OCA2: variants seen among roughly 807,000 people sequenced by gnomAD.
OCA2 encodes the protein OCA2 melanosomal transmembrane protein.
A neutral mutation model predicts 100.2 loss-of-function variants in OCA2; 77 were observed. The ratio of observed to expected loss-of-function variants is 0.77; its 90% CI spans 0.64 to 0.93. The LOEUF (loss-of-function observed/expected upper bound fraction) is 0.93. OCA2 is among the 40% of genes least tolerant of loss of function. The pLI is 0.00. For synonymous variants in OCA2, 432 were observed against 439.2 expected (o/e 0.98, Z 0.21); for missense variants, 1,062 against 1,089.1 (o/e 0.98, Z 0.35).
intron 2 of OCA2, among the ~76,000 whole-genome samples, chr15:28,038,082 TCTC>T (rs758148881): frequency 4.6e-5 from 7 of 151,502 alleles, no homozygotes; most frequent in Non-Finnish European, 1.0e-4. Flanking sequence ...TCTTCTCTCT[TCTC>T]CTCTCTTTCT....
At chr15:27,769,868 G>C (rs1185909665) in intron 23 of OCA2, among the ~76,000 whole-genome samples, 1 of 74,554 alleles carries the variant, frequency 1.3e-5, no homozygotes, top group Non-Finnish European at 2.9e-5. Flanking sequence ...CAGCACCTCG[G>C]CCTGTGTGCA....
intron 22 of OCA2, among the ~76,000 whole-genome samples, chr15:27,850,785 C>T (rs1169546782): frequency 6.6e-6 from 1 of 152,030 alleles, no homozygotes; most frequent in Non-Finnish European, 1.5e-5. Flanking sequence ...TCACAATCCC[C>T]CTGTGTTCCC....
intron 19 of OCA2, among the ~76,000 whole-genome samples, chr15:27,888,543 TAAC>T (rs1237770836): frequency 3.3e-5 from 5 of 152,082 alleles, no homozygotes; most frequent in African/African-American, 1.2e-4. Flanking sequence ...AACAATCAGT[TAAC>T]AACTTCTCTT....
At chr15:27,729,191 G>A in the OCA2 span, among the ~76,000 whole-genome samples, 1 of 151,606 alleles carries the variant, frequency 6.6e-6, no homozygotes, top group Admixed American at 6.6e-5. Context: ...CCAACAATCT[G>A]TTCACGGCAA....
chr15:27,814,940 A>ATAGG (rs2034234068), intron 23 of OCA2, among the ~76,000 whole-genome samples: 1 of 89,892 alleles, frequency 1.1e-5, no homozygotes, highest in African/African-American at 4.1e-5. Flanking sequence ...AGATAGATAG[A>ATAGG]TAGATACAGA....
chr15:27,763,112 T>C (rs946187969), intron 23 of OCA2, among the ~76,000 whole-genome samples: 2 of 152,198 alleles, frequency 1.3e-5, no homozygotes, highest in Non-Finnish European at 2.9e-5. Context: ...TCACACTTTA[T>C]ACAAACATTA....
At chr15:28,064,864 TTTA>T (rs1555387756) in intron 2 of OCA2, among the ~76,000 whole-genome samples, 1 of 150,308 alleles carries the variant, frequency 6.7e-6, no homozygotes, top group Non-Finnish European at 1.5e-5. Flanking sequence ...GGTTTTTTTT[TTTA>T]TTATTATTGT....
chr15:28,089,146 G>A (rs116791011), intron 1 of OCA2, among the ~76,000 whole-genome samples: 1,819 of 152,180 alleles, frequency 0.012, 31 homozygotes, highest in African/African-American at 0.042. Context: ...TGTTCCTCCC[G>A]GCCCACAGGC....
intron 2 of OCA2, among the ~76,000 whole-genome samples, chr15:28,069,401 T>TCCCCCC (rs1566862582): frequency 2.0e-4 from 1 of 5,080 alleles, no homozygotes; most frequent in Non-Finnish European, 3.0e-4. Context: ...CCCCTCCCCC[T>TCCCCCC]CCCCTTCCCC....
chr15:27,979,521 C>T (rs2041077061), intron 14 of OCA2, among the ~76,000 whole-genome samples: 2 of 151,892 alleles, frequency 1.3e-5, no homozygotes, highest in African/African-American at 4.8e-5. Context: ...TTCTAAATTC[C>T]ATTCCATTAA....
chr15:27,959,103 C>T (rs777660933), intron 15 of OCA2, among the ~76,000 whole-genome samples: 1 of 152,206 alleles, frequency 6.6e-6, no homozygotes, highest in East Asian at 1.9e-4. Context: ...AGAGAGAATG[C>T]GCAGAGCCTG....
intron 2 of OCA2, among the ~76,000 whole-genome samples, chr15:28,040,871 G>A (rs2043181752): frequency 6.6e-6 from 1 of 152,034 alleles, no homozygotes; most frequent in African/African-American, 2.4e-5. Context: ...AAAAGCCCTG[G>A]ATGAGATAGC....
chr15:28,023,151 G>C (rs1395172429), intron 5 of OCA2, among the ~76,000 whole-genome samples: 1 of 152,144 alleles, frequency 6.6e-6, no homozygotes, highest in Non-Finnish European at 1.5e-5. Context: ...AAATCTCAGA[G>C]CACCTGCCAG....
chr15:28,026,190 C>T (rs1256295813), intron 4 of OCA2, among the ~76,000 whole-genome samples: 4 of 152,226 alleles, frequency 2.6e-5, no homozygotes, highest in African/African-American at 7.2e-5. Flanking sequence ...ATGGAGCTAA[C>T]GTCTTTTAGT....
chr15:27,742,145 C>T, the OCA2 span, among the ~76,000 whole-genome samples: 8 of 152,160 alleles, frequency 5.3e-5, no homozygotes, highest in Non-Finnish European at 1.2e-4. Context: ...AGAAGAGCAC[C>T]ATGCCAGGTC....
the OCA2 span, among the ~76,000 whole-genome samples, chr15:27,740,640 A>G: frequency 6.6e-6 from 1 of 152,196 alleles, no homozygotes; most frequent in African/African-American, 2.4e-5. Flanking sequence ...TAAGGACCTC[A>G]TGGGGAGGAC....
chr15:27,738,591 C>T, the OCA2 span, among the ~76,000 whole-genome samples: 1 of 152,028 alleles, frequency 6.6e-6, no homozygotes, highest in African/African-American at 2.4e-5. Flanking sequence ...AAAAATTAGC[C>T]GGGCATGGTG....
chr15:27,953,813 G>A (rs923247696), intron 17 of OCA2, among the ~76,000 whole-genome samples: 1 of 151,616 alleles, frequency 6.6e-6, no homozygotes. Context: ...GGTTATATGG[G>A]TAAGTTCTTT....
chr15:27,859,472 GA>G (rs2036055070), intron 21 of OCA2, among the ~76,000 whole-genome samples: 1 of 152,072 alleles, frequency 6.6e-6, no homozygotes, highest in Non-Finnish European at 1.5e-5. Context: ...ACTGACTCAT[GA>G]AAAAATAGAA....
Sources: gnomAD v4.1 joint callset for allele counts (sites outside exome capture counted in the v4.1 genomes callset) on GRCh38, gnomAD v4.1.1 for gene constraint, MANE v1.5 for transcripts, NCBI Gene and HGNC (gene_info 2026-07-23, HGNC 2026-07-21) for gene names.